NAMPT: variants seen among roughly 807,000 people sequenced by gnomAD.
NAMPT encodes nicotinamide phosphoribosyltransferase.
In NAMPT, 7 loss-of-function variants were observed where a neutral mutation model predicts 58.7. The ratio of observed to expected loss-of-function variants is 0.12; its 90% CI spans 0.07 to 0.22. The LOEUF (loss-of-function observed/expected upper bound fraction) is 0.22, where lower values mean the gene tolerates loss of function less well. Ranked by LOEUF, NAMPT falls within the 10% of genes least tolerant of loss-of-function variation. The pLI is 1.00. For synonymous variants in NAMPT, 145 were observed against 198.1 expected (o/e 0.73, Z 2.25); for missense variants, 271 against 567.9 (o/e 0.48, Z 5.31).
chr7:106,259,556 C>G (rs1792266632), intron 8 of NAMPT, among the ~76,000 whole-genome samples: 1 of 152,148 alleles, frequency 6.6e-6, no homozygotes, highest in Non-Finnish European at 1.5e-5. Context: ...TCCTGAGTAG[C>G]TGGGACTACA....
chr7:106,275,322 AT>A (rs542706152), intron 2 of NAMPT: 1 of 216,682 alleles, frequency 4.6e-6, no homozygotes, highest in East Asian at 9.6e-5. Flanking sequence ...TATTAACTTA[AT>A]TTTTTTCTCT....
intron 1 of NAMPT, among the ~76,000 whole-genome samples, chr7:106,280,150 TAGGGTGACCAAAGAGTGC>T (rs1440438432): frequency 2.0e-5 from 3 of 152,156 alleles, no homozygotes; most frequent in Non-Finnish European, 4.4e-5. Flanking sequence ...GAATGGATTA[TAGGGTGACCAAAGAGTGC>T]AGGAGTTAGG....
chr7:106,266,814 A>G (rs1792421714), intron 6 of NAMPT, among the ~76,000 whole-genome samples: 1 of 152,218 alleles, frequency 6.6e-6, no homozygotes, highest in East Asian at 1.9e-4. Context: ...ATCTCATAAC[A>G]TCACGTCTTT....
At chr7:106,276,901 C>A in intron 2 of NAMPT, 122 bp downstream of exon 2, 6 of 747,546 alleles carry the variant, frequency 8.0e-6, no homozygotes, top group Middle Eastern at 4.1e-4. Flanking sequence ...GAACATCAAA[C>A]ACACACCAAA....
At chr7:106,256,748 G>A (rs561840804) in intron 8 of NAMPT, among the ~76,000 whole-genome samples, 77 of 152,324 alleles carry the variant, frequency 5.1e-4, no homozygotes, top group Non-Finnish European at 9.4e-4. Context: ...GGTCTAGTAG[G>A]TTAGGTATAA....
intron 10 of NAMPT, 144 bp from the exon 11 acceptor site, chr7:106,251,337 T>C: frequency 1.6e-6 from 1 of 629,334 alleles, no homozygotes. Flanking sequence ...GCATAAAAAA[T>C]GCTAGTGGAA....
chr7:106,261,555 G>T (rs1343528472), intron 8 of NAMPT, 33 bp downstream of exon 8: 2 of 1,433,858 alleles, frequency 1.4e-6, no homozygotes. Context: ...TATAAGAAAT[G>T]CCTTATTGAA....
chr7:106,249,283 CAT>C lies in NAMPT; in HGVS notation c.*1798_*1799del, dbSNP rs1381984913. The C allele has an allele frequency of 2.6e-5, 4 of 152,434 alleles. No homozygotes were observed. The highest frequency in any genetic ancestry group is 4.4e-5 in the Non-Finnish European group (3 of 67,924). 9.4% of individuals were successfully genotyped at this position (152,434 alleles called of 1,614,324 possible). A position where few individuals can be genotyped will look rare whatever the true frequency, so the allele number is the denominator to read the frequency against. ...CATGTTTAAAGAACCATCTGAAAAACATATTCTTTCTAATACCACTTACAAAA... is the reference window on the plus strand; with the variant it reads ...CATGTTTAAAGAACCATCTGAAAAACATTCTTTCTAATACCACTTACAAAA... On this transcript the variant is annotated 3_prime_UTR_variant, in exon 11 of 11. Coordinates refer to ENST00000222553, the MANE Select transcript of NAMPT (RefSeq NM_005746.3).
Position 106,251,207 on chromosome 7 carries a change from A to T in NAMPT, c.1366-14T>A. 1 of 1,521,360 alleles carries T rather than the reference A, an allele frequency of 6.6e-7. No individual in the cohort carries two copies. The allele number at this position is 1,521,360 out of a possible 1,614,324, so 94.2% of individuals were successfully genotyped here. ...ATGGAGAAGATCCTGCATAAATGGA[A>T]ATTTCATGATTATATTACATTATTA... On this transcript the variant is annotated splice_polypyrimidine_tract_variant and intron_variant, in intron 10 of 10. Transcript: ENST00000222553.
chr7:106,280,918 G>A (rs995658188), intron 1 of NAMPT, among the ~76,000 whole-genome samples: 31 of 151,264 alleles, frequency 2.0e-4, no homozygotes, highest in African/African-American at 7.3e-4. Flanking sequence ...TCCAGCCTGG[G>A]CAACAGAGCA....
chr7:106,276,818 G>T, intron 2 of NAMPT: 1 of 459,096 alleles, frequency 2.2e-6, no homozygotes, highest in Non-Finnish European at 3.9e-6. Flanking sequence ...CTCCAGCCTG[G>T]CCAACAAGAG....
Position 106,267,840 on chromosome 7 carries a change from CAAAAAAAAAAAAAAA to C in NAMPT, c.743+609_743+623del, listed in dbSNP as rs769070307. Among the ~76,000 whole-genome samples, 117 of 33,178 alleles carry C rather than the reference CAAAAAAAAAAAAAAA, an allele frequency of 3.5e-3. 1 individual carries two copies. The highest frequency in any genetic ancestry group is 0.029 in the South Asian group (13 of 444). The allele number at this position is 33,178 out of a possible 152,430, so 21.8% of individuals were successfully genotyped here. On this transcript the variant is annotated intron_variant, in intron 6 of 10. Transcript: ENST00000222553. The stretch of plus-strand genomic sequence containing the variant: ...TGGGCGACAGAGCGAGACTCCGTCT[CAAAAAAAAAAAAAAA>C]AAAAAAAAAAAAAAAAAAAAACAAC...
chr7:106,257,167 T>G (rs890250818), intron 8 of NAMPT, among the ~76,000 whole-genome samples: 1 of 151,696 alleles, frequency 6.6e-6, no homozygotes, highest in Admixed American at 6.6e-5. Flanking sequence ...GAGAAAAAGA[T>G]ATTTTTCCTT....
intron 7 of NAMPT, 160 bp downstream of exon 7, chr7:106,263,232 T>TG: frequency 3.2e-6 from 2 of 618,888 alleles, no homozygotes; most frequent in South Asian, 4.1e-5. Context: ...TATTACTGTG[T>TG]GACCTCAGGC....
intron 10 of NAMPT, among the ~76,000 whole-genome samples, chr7:106,251,858 GGT>G (rs1792109811): frequency 6.6e-6 from 1 of 152,060 alleles, no homozygotes; most frequent in Non-Finnish European, 1.5e-5. Flanking sequence ...CTTTGGGTCT[GGT>G]AGAGCCACTC....
At chr7:106,259,986 T>C (rs1486419392) in intron 8 of NAMPT, among the ~76,000 whole-genome samples, 1 of 151,772 alleles carries the variant, frequency 6.6e-6, no homozygotes, top group Non-Finnish European at 1.5e-5. Flanking sequence ...TGTTGTTCCA[T>C]TTATAAAGCA....
intron 2 of NAMPT, 165 bp downstream of exon 2, chr7:106,276,858 A>G (rs77771207): frequency 1.7e-6 from 1 of 602,170 alleles, no homozygotes; most frequent in Non-Finnish European, 2.8e-6. Context: ...AAAAAAAAAA[A>G]CCTTTTATTT....
chr7:106,285,133 G>C (rs1228133001), upstream of NAMPT: 1 of 1,298,076 alleles, frequency 7.7e-7, no homozygotes, highest in Non-Finnish European at 9.8e-7. Flanking sequence ...TCCCCACCTC[G>C]GTTCCCCCGC....
At chr7:106,256,201 G>GAAAC (rs950372025) in intron 8 of NAMPT, among the ~76,000 whole-genome samples, 5 of 152,124 alleles carry the variant, frequency 3.3e-5, no homozygotes, top group Admixed American at 3.3e-4. Context: ...ATCCATAACT[G>GAAAC]AAACACAACA....
Sources: allele counts gnomAD v4.1 joint callset (sites outside exome capture counted in the v4.1 genomes callset), GRCh38; gene constraint gnomAD v4.1.1; transcripts MANE v1.5; gene names NCBI Gene and HGNC (gene_info 2026-07-23, HGNC 2026-07-21).